Variants in SLIT2 observed in about 807,000 individuals in gnomAD.
The protein encoded by SLIT2 is slit homolog 2 protein.
SLIT2 carries 41 observed loss-of-function variants against 185.7 expected under a neutral mutation model. The observed-to-expected ratio is 0.22, with a 90% CI of 0.17 to 0.29. The LOEUF (loss-of-function observed/expected upper bound fraction) is 0.29, where lower values mean the gene tolerates loss of function less well. Among genes scored for constraint, SLIT2 ranks in the 10% least tolerant of loss-of-function variants. The pLI is 1.00. For synonymous variants in SLIT2, 693 were observed against 680.2 expected (o/e 1.02, Z -0.29); for missense variants, 1,571 against 1,909.0 (o/e 0.82, Z 3.30).
At chr4:20,329,841 G>T (rs1024185867) in intron 4 of SLIT2, among the ~76,000 whole-genome samples, 1 of 152,008 alleles carries the variant, frequency 6.6e-6, no homozygotes, top group Admixed American at 6.6e-5. Context: ...ACCAGTTGAT[G>T]ATAGTTTTTC....
At chr4:20,560,538 A>C (rs960399848) in intron 26 of SLIT2, among the ~76,000 whole-genome samples, 1 of 151,866 alleles carries the variant, frequency 6.6e-6, no homozygotes, top group African/African-American at 2.4e-5. Flanking sequence ...ATATAAGATG[A>C]CGTTAGAGTG....
At position 20,374,836 on chromosome 4, in the gene SLIT2, C is replaced by G. The variant is rs1395762395; in HGVS notation, c.396-92916C>G. Among the ~76,000 whole-genome samples the G allele has an allele frequency of 5.9e-5, 9 of 152,200 alleles. No individual in the cohort carries two copies. In the South Asian group the frequency reaches 1.2e-3, roughly 21 times the overall value. Reference sequence around the variant, plus strand: ...GGTTTCTTCGCTGTGACAATATAAACTTATTAAAGGCTTACGTTCACTCGA... The same window carrying G: ...GGTTTCTTCGCTGTGACAATATAAAGTTATTAAAGGCTTACGTTCACTCGA... On this transcript the variant is annotated intron_variant, in intron 4 of 36. Transcript: ENST00000504154.
chr4:20,514,891 C>G (rs761305600), intron 11 of SLIT2, among the ~76,000 whole-genome samples: 1 of 151,748 alleles, frequency 6.6e-6, no homozygotes, highest in Non-Finnish European at 1.5e-5. Flanking sequence ...ATGTCGTTTT[C>G]AGGGATTTTA....
At chr4:20,524,347 C>G (rs1339120121) in intron 14 of SLIT2, among the ~76,000 whole-genome samples, 170 bp downstream of exon 14, 1 of 152,168 alleles carries the variant, frequency 6.6e-6, no homozygotes, top group Non-Finnish European at 1.5e-5. Context: ...TCAAATAATA[C>G]TTCTATATGT....
At chr4:20,384,755 A>G (rs536157718) in intron 4 of SLIT2, among the ~76,000 whole-genome samples, 1 of 152,290 alleles carries the variant, frequency 6.6e-6, no homozygotes, top group African/African-American at 2.4e-5. Context: ...TTTGCTATTT[A>G]ATGAAATCAG....
At chr4:20,510,953 G>T in intron 10 of SLIT2, 113 bp from the exon 11 acceptor site, 1 of 622,944 alleles carries the variant, frequency 1.6e-6, no homozygotes, top group Non-Finnish European at 2.9e-6. Flanking sequence ...TGCACGTTTT[G>T]GACATGTCTT....
intron 26 of SLIT2, among the ~76,000 whole-genome samples, chr4:20,560,037 A>G (rs576982514): frequency 2.6e-5 from 4 of 152,042 alleles, no homozygotes; most frequent in African/African-American, 9.7e-5. Flanking sequence ...TTAAGCATAT[A>G]TGCTTTTTGA....
At chr4:20,372,358 T>C (rs565125537) in intron 4 of SLIT2, among the ~76,000 whole-genome samples, 1 of 152,116 alleles carries the variant, frequency 6.6e-6, no homozygotes, top group Admixed American at 6.6e-5. Flanking sequence ...TTGGACTTTT[T>C]TTTTTTACCT....
intron 30 of SLIT2, among the ~76,000 whole-genome samples, chr4:20,591,807 A>T (rs1335076439): frequency 6.6e-6 from 1 of 152,086 alleles, no homozygotes; most frequent in Non-Finnish European, 1.5e-5. Flanking sequence ...TACTTTGTGT[A>T]TTGTAAGTAT....
chr4:20,450,430 C>G (rs1034313518), intron 4 of SLIT2, among the ~76,000 whole-genome samples: 3 of 152,144 alleles, frequency 2.0e-5, no homozygotes, highest in Non-Finnish European at 4.4e-5. Flanking sequence ...ATTCCACATG[C>G]ATTTCCAATG....
At chr4:20,468,344 A>T in intron 5 of SLIT2, among the ~76,000 whole-genome samples, 1 of 152,094 alleles carries the variant, frequency 6.6e-6, no homozygotes, top group East Asian at 1.9e-4. Context: ...GAGTTTTAAG[A>T]TCACCCTTTG....
At chr4:20,537,211 CTATACTTT>C (rs1364382652) in intron 18 of SLIT2, among the ~76,000 whole-genome samples, 3 of 152,074 alleles carry the variant, frequency 2.0e-5, no homozygotes, top group African/African-American at 7.2e-5. Context: ...TAAGTGTTTG[CTATACTTT>C]TATACAACTG....
intron 8 of SLIT2, among the ~76,000 whole-genome samples, chr4:20,490,389 GCACA>G (rs1717674277): frequency 7.1e-6 from 1 of 140,510 alleles, no homozygotes; most frequent in South Asian, 2.1e-4. Flanking sequence ...ACACGTGCAT[GCACA>G]CACACACCCC....
chr4:20,338,035 A>G (rs1319454132), intron 4 of SLIT2, among the ~76,000 whole-genome samples: 3 of 152,218 alleles, frequency 2.0e-5, no homozygotes, highest in African/African-American at 4.8e-5. Flanking sequence ...CACTCATTTG[A>G]AAAGGGATGT....
intron 26 of SLIT2, among the ~76,000 whole-genome samples, chr4:20,561,227 A>G (rs1257484958): frequency 6.6e-6 from 1 of 151,830 alleles, no homozygotes; most frequent in Non-Finnish European, 1.5e-5. Flanking sequence ...GGCCAGCTGA[A>G]GGATCAAAGA....
At chr4:20,317,258 A>G (rs1407575143) in intron 4 of SLIT2, among the ~76,000 whole-genome samples, 1 of 151,996 alleles carries the variant, frequency 6.6e-6, no homozygotes, top group East Asian at 1.9e-4. Context: ...TTTAATTTAT[A>G]TAGACAAAAA....
Position 20,252,229 on chromosome 4 carries a change from C to G in SLIT2, c.-1587C>G, listed in dbSNP as rs1157844381. 6.6e-6 allele frequency among the ~76,000 whole-genome samples: 1 copy of G among 152,136 alleles called. No individual in the cohort carries two copies. Among genetic ancestry groups the G allele is most frequent in the African/African-American group, 2.4e-5 (1 of 41,446 alleles). On this transcript the variant is annotated 5_prime_UTR_variant, in exon 1 of 37. Coordinates refer to ENST00000504154, the MANE Select transcript of SLIT2 (RefSeq NM_004787.4). ...CAACTCCAGTTACGACAACAACCCA[C>G]CTTCCTTCCAGACAAGCGAGACTTG...
intron 4 of SLIT2, among the ~76,000 whole-genome samples, chr4:20,270,528 T>C (rs1021346123): frequency 1.3e-5 from 2 of 151,992 alleles, no homozygotes; most frequent in Non-Finnish European, 2.9e-5. Context: ...ATAAAACCTA[T>C]GACAGCATTT....
At chr4:20,536,049 A>G (rs1212406131) in intron 18 of SLIT2, among the ~76,000 whole-genome samples, 1 of 152,174 alleles carries the variant, frequency 6.6e-6, no homozygotes, top group Non-Finnish European at 1.5e-5. Flanking sequence ...AATTGTTACT[A>G]ACACAATGTA....
Sources: gnomAD v4.1 joint callset for allele counts (sites outside exome capture counted in the v4.1 genomes callset) on GRCh38, gnomAD v4.1.1 for gene constraint, MANE v1.5 for transcripts, NCBI Gene and HGNC (gene_info 2026-07-23, HGNC 2026-07-21) for gene names.